The following KLF17 variants were observed in gnomAD, a reference collection of about 807,000 sequenced individuals.
The protein encoded by KLF17 is Krueppel-like factor 17.
A neutral mutation model predicts 34.2 loss-of-function variants in KLF17; 31 were observed. The ratio of observed to expected loss-of-function variants is 0.91; its 90% CI spans 0.68 to 1.22. The LOEUF is 1.22. Ranked by LOEUF, KLF17 falls within the 50% of genes most tolerant of loss-of-function variation. The pLI, the probability that KLF17 is intolerant of heterozygous loss-of-function variation, is 0.00. For synonymous variants in KLF17, 179 were observed against 186.7 expected (o/e 0.96, Z 0.34); for missense variants, 478 against 505.2 (o/e 0.95, Z 0.52).
the KLF17 span, among the ~76,000 whole-genome samples, chr1:44,101,371 C>T: frequency 2.7e-3 from 406 of 152,324 alleles, no homozygotes; most frequent in African/African-American, 9.2e-3. Flanking sequence ...AAATCTTGGA[C>T]CATGAGTTAC....
the KLF17 span, among the ~76,000 whole-genome samples, chr1:44,086,707 G>A: frequency 1.3e-5 from 2 of 152,150 alleles, no homozygotes; most frequent in African/African-American, 4.8e-5. Context: ...CAAAGAGAGG[G>A]CACAGCCAGC....
the KLF17 span, among the ~76,000 whole-genome samples, chr1:44,068,019 G>A: frequency 6.7e-6 from 1 of 148,312 alleles, no homozygotes; most frequent in African/African-American, 2.6e-5. Context: ...CCTTTCCTCA[G>A]CACTTTTTTT....
the KLF17 span, among the ~76,000 whole-genome samples, chr1:44,090,763 A>C: frequency 3.2e-3 from 485 of 152,242 alleles, 5 homozygotes; most frequent in African/African-American, 0.011. Flanking sequence ...GGAGAGGCAC[A>C]CTTTGAAGAT....
At chr1:44,097,947 G>A in the KLF17 span, among the ~76,000 whole-genome samples, 1 of 152,026 alleles carries the variant, frequency 6.6e-6, no homozygotes, top group Non-Finnish European at 1.5e-5. Flanking sequence ...AACCATCCTT[G>A]CATCCCTGGT....
At chr1:44,102,884 T>TATATA in the KLF17 span, among the ~76,000 whole-genome samples, 7 of 152,136 alleles carry the variant, frequency 4.6e-5, no homozygotes, top group East Asian at 1.9e-4. Context: ...TCTTGTCATA[T>TATATA]ATATAATATA....
intron 1 of KLF17, among the ~76,000 whole-genome samples, chr1:44,123,737 A>G (rs2087975855): frequency 1.3e-5 from 2 of 151,952 alleles, no homozygotes; most frequent in Non-Finnish European, 2.9e-5. Flanking sequence ...TATCTATCCC[A>G]TTAGTTTTGA....
intron 3 of KLF17, among the ~76,000 whole-genome samples, chr1:44,132,313 A>AT (rs1306701468): frequency 2.7e-5 from 4 of 150,706 alleles, no homozygotes; most frequent in Non-Finnish European, 4.4e-5. Flanking sequence ...CAAAAAAAAA[A>AT]TTTTTTTTTT....
chr1:44,099,907 AAGAAAGAAAGAAAAGAAAGGG>A, the KLF17 span, among the ~76,000 whole-genome samples: 3 of 69,580 alleles, frequency 4.3e-5, no homozygotes, highest in East Asian at 8.6e-4. Flanking sequence ...GAAAGAAAGA[AAGAAAGAAAGAAAAGAAAGGG>A]AGGGAGGGAG....
the KLF17 span, among the ~76,000 whole-genome samples, chr1:44,079,873 G>A: frequency 6.6e-6 from 1 of 151,416 alleles, no homozygotes; most frequent in Admixed American, 6.6e-5. Context: ...TCCATTTCTA[G>A]CCTGTCTGTT....
the KLF17 span, among the ~76,000 whole-genome samples, chr1:44,065,115 C>T: frequency 1.3e-5 from 2 of 151,892 alleles, no homozygotes; most frequent in Non-Finnish European, 2.9e-5. Flanking sequence ...GGTGAAACCC[C>T]GTCTCTACTA....
the KLF17 span, among the ~76,000 whole-genome samples, chr1:44,109,783 G>A: frequency 2.6e-5 from 4 of 152,022 alleles, no homozygotes; most frequent in African/African-American, 9.7e-5. Flanking sequence ...GAGAGAACTG[G>A]GAGGTAGGGC....
chr1:44,115,211 G>C (rs563536797), upstream of KLF17: 4 of 152,146 alleles, frequency 2.6e-5, no homozygotes, highest in East Asian at 7.7e-4. Flanking sequence ...GGGATGCCGA[G>C]GTGGGCGGAT....
the KLF17 span, among the ~76,000 whole-genome samples, chr1:44,100,444 A>T: frequency 3.4e-4 from 52 of 152,234 alleles, no homozygotes; most frequent in South Asian, 1.0e-3. Flanking sequence ...ATATTTTATA[A>T]ATTGAAACAA....
the KLF17 span, among the ~76,000 whole-genome samples, chr1:44,112,851 A>G: frequency 1.3e-5 from 2 of 152,244 alleles, no homozygotes; most frequent in Non-Finnish European, 1.5e-5. Flanking sequence ...GTTCATGTCT[A>G]TCTACCTCTT....
chr1:44,110,246 A>C, the KLF17 span: 1 of 152,216 alleles, frequency 6.6e-6, no homozygotes, highest in Non-Finnish European at 1.5e-5. Context: ...ACACTCATGA[A>C]AATGACCCAA....
At chr1:44,073,226 A>G in the KLF17 span, among the ~76,000 whole-genome samples, 1 of 100,386 alleles carries the variant, frequency 1.0e-5, no homozygotes, top group Non-Finnish European at 2.1e-5. Flanking sequence ...TTTTTTTTTG[A>G]GACAGAGTCT....
Position 44,121,434 on chromosome 1 carries a change from C to T in KLF17, c.81+2446C>T, listed in dbSNP as rs1469780132. On this transcript the variant is annotated intron_variant, in intron 1 of 3. Transcript: ENST00000372299. ...CCAGCCGATAATTCCTTTAAATTAT[C>T]TTAGATGCAAGCCTTATTCAAATGC... Among the ~76,000 whole-genome samples, 8 of 152,308 alleles carry T rather than the reference C, an allele frequency of 5.3e-5. No individual in the cohort carries two copies. In the South Asian group the frequency reaches 1.0e-3, roughly 20 times the overall value.
chr1:44,080,713 A>ATTTTTTTTTTTTTTTTTTTTTT, the KLF17 span, among the ~76,000 whole-genome samples: 2 of 92,674 alleles, frequency 2.2e-5, 1 homozygote, highest in African/African-American at 9.7e-5. Flanking sequence ...ATTATATTGA[A>ATTTTTTTTTTTTTTTTTTTTTT]TTTTTTTTTT....
At chr1:44,127,553 C>T (rs1005665213) in intron 1 of KLF17, among the ~76,000 whole-genome samples, 6 of 151,452 alleles carry the variant, frequency 4.0e-5, no homozygotes, top group Admixed American at 3.3e-4. Flanking sequence ...TTCCTTCCTT[C>T]CTTGAACTCC....
Sources: allele counts gnomAD v4.1 joint callset (sites outside exome capture counted in the v4.1 genomes callset), GRCh38; gene constraint gnomAD v4.1.1; transcripts MANE v1.5; gene names NCBI Gene and HGNC (gene_info 2026-07-23, HGNC 2026-07-21).